RPGR: variants seen among roughly 807,000 people sequenced by gnomAD.
The protein encoded by RPGR is X-linked retinitis pigmentosa GTPase regulator.
In RPGR, 10 loss-of-function variants were observed where a neutral mutation model predicts 56.3. The ratio of observed to expected loss-of-function variants is 0.18; its 90% CI spans 0.11 to 0.30. The LOEUF is 0.30. RPGR is among the 10% of genes least tolerant of loss of function. The pLI, the probability that RPGR is intolerant of heterozygous loss-of-function variation, is 1.00. For missense variants in RPGR, 538 were observed against 590.9 expected (o/e 0.91, Z 0.93); for synonymous variants, 197 against 212.9 (o/e 0.93, Z 0.65).
chrX:38,301,537 C>A (rs941391728), intron 8 of RPGR, among the ~76,000 whole-genome samples, 166 bp from the exon 9 acceptor site: 12 of 110,592 alleles, frequency 1.1e-4, no homozygotes, highest in African/African-American at 3.6e-4. Context: ...TCTCTGTGGT[C>A]CTGCATGTAA....
intron 11 of RPGR, among the ~76,000 whole-genome samples, chrX:38,294,780 TA>T (rs778373837): frequency 1.2e-3 from 131 of 112,720 alleles, no homozygotes; most frequent in African/African-American, 4.1e-3. Flanking sequence ...GGTGCATTAA[TA>T]AGTTTAGCAA....
chrX:38,273,325 T>C, intron 18 of RPGR: 1 of 944,112 alleles, frequency 1.1e-6, no homozygotes, highest in South Asian at 2.0e-5. Flanking sequence ...GATTGCCATA[T>C]GAAAAGTAAA....
chrX:38,274,244 C>G (rs960558674), intron 17 of RPGR, among the ~76,000 whole-genome samples: 2 of 109,766 alleles, frequency 1.8e-5, no homozygotes, highest in Middle Eastern at 9.4e-3. Context: ...CAATCACAGT[C>G]TCCTCTATTC....
At chrX:38,281,295 G>C (rs1356382086) in intron 15 of RPGR, among the ~76,000 whole-genome samples, 1 of 112,236 alleles carries the variant, frequency 8.9e-6, no homozygotes, top group Non-Finnish European at 1.9e-5. Flanking sequence ...AGGACACAGA[G>C]GGAAATGTTC....
intron 9 of RPGR, among the ~76,000 whole-genome samples, chrX:38,300,895 T>C (rs1349160154): frequency 8.9e-6 from 1 of 112,034 alleles, no homozygotes; most frequent in Non-Finnish European, 1.9e-5. Context: ...TAACATTTAA[T>C]TCAGCAAATA....
At chrX:38,287,000 C>T (rs1376005682) in intron 15 of RPGR, 2 of 1,210,328 alleles carry the variant, frequency 1.7e-6, no homozygotes, top group Admixed American at 4.4e-5. Context: ...TGCCAGTGTT[C>T]TGCTCCTGAA....
intron 13 of RPGR, 74 bp downstream of exon 13, chrX:38,290,885 T>C: frequency 2.2e-6 from 1 of 445,638 alleles, no homozygotes; most frequent in Non-Finnish European, 3.9e-6. Context: ...CTTGTGTTCT[T>C]TCCAAAAACC....
chrX:38,277,548 C>T (rs1042252473), intron 15 of RPGR, among the ~76,000 whole-genome samples: 3 of 110,259 alleles, frequency 2.7e-5, no homozygotes, highest in East Asian at 5.6e-4. Context: ...TCATTAGATT[C>T]CCCCCCATAC....
chrX:38,298,779 CTTTTCTGAAT>C (rs2067444022), intron 10 of RPGR, among the ~76,000 whole-genome samples, 167 bp downstream of exon 10: 2 of 111,767 alleles, frequency 1.8e-5, no homozygotes, highest in Non-Finnish European at 1.9e-5. Context: ...AAGCATTAAG[CTTTTCTGAAT>C]TTTTCTGAAT....
At chrX:38,280,112 A>G (rs2067004240) in intron 15 of RPGR, among the ~76,000 whole-genome samples, 1 of 111,372 alleles carries the variant, frequency 9.0e-6, no homozygotes, top group African/African-American at 3.3e-5. Context: ...ATGGAAAAAT[A>G]ACATTAGCAA....
intron 7 of RPGR, among the ~76,000 whole-genome samples, chrX:38,305,675 G>C (rs1256240491): frequency 9.2e-6 from 1 of 108,397 alleles, no homozygotes; most frequent in East Asian, 2.9e-4. Context: ...GAACCCAGGA[G>C]GTGGAGGTTG....
intron 7 of RPGR, among the ~76,000 whole-genome samples, chrX:38,305,618 C>T (rs1418592210): frequency 9.4e-6 from 1 of 106,428 alleles, no homozygotes; most frequent in Non-Finnish European, 1.9e-5. Context: ...TGGTGGCGTA[C>T]ACCTGTAATC....
In RPGR at chrX:38,276,909, A is replaced by T. The variant is rs7876914; in HGVS notation, c.1906-137T>A. On this transcript the variant is annotated intron_variant, in intron 15 of 18. Transcript: ENST00000642395. ...TAATTCAAATATTGAAGCCGAAGAA[A>T]AAAATACTGTACAGTCCATGCTGAA... is the stretch of plus-strand genomic sequence containing the variant. The T allele has an allele frequency of 0.1, 53,365 of 517,652 alleles. 3,379 individuals carry two copies. Among genetic ancestry groups the T allele is most frequent in the African/African-American group, 0.36 (14,921 of 41,971 alleles). 42.7% of individuals were successfully genotyped at this position (517,652 alleles called of 1,213,427 possible). A position where few individuals can be genotyped will look rare whatever the true frequency, so the allele number is the denominator to read the frequency against.
At chrX:38,281,153 C>T (rs755420072) in intron 15 of RPGR, among the ~76,000 whole-genome samples, 4 of 112,661 alleles carry the variant, frequency 3.6e-5, no homozygotes, top group African/African-American at 1.3e-4. Context: ...TTTTTATTCT[C>T]ATTTTCAGAT....
chrX:38,276,614 A>G lies in RPGR; in HGVS notation c.2064T>C (p.Asp688=). ...TTTCAATAGTTTCAGCTGAGCTATC[A>G]TCATTGGTTCTTTCTGCTCCTTCTG... The change falls in exon 16 of 19, where the codon GAT becomes GAC. Residue 688 remains aspartate, a synonymous_variant. Transcript: ENST00000642395. The G allele has an allele frequency of 3.3e-6, 4 of 1,211,252 alleles. No individual in the cohort carries two copies. Among genetic ancestry groups the G allele is most frequent in the Non-Finnish European group, 4.5e-6 (4 of 895,256 alleles).
chrX:38,310,570 G>C (rs1408238076), intron 7 of RPGR, 45 bp downstream of exon 7: 1 of 1,189,349 alleles, frequency 8.4e-7, no homozygotes, highest in Non-Finnish European at 1.1e-6. Context: ...AATTTCATTA[G>C]CCACCACAGA....
rs775817687 is a variant in RPGR at position 38,276,604 on chromosome X, C to G, written c.2074G>C (p.Ala692Pro). 2.5e-6 allele frequency: 3 copies of G among 1,209,569 alleles called. No homozygotes were observed. In the South Asian group the frequency reaches 5.3e-5, roughly 21 times the overall value. Residue 692 changes from alanine to proline, a missense_variant, in exon 16 of 19, where the codon GCT becomes CCT. Physicochemically the swap from Ala to Pro is conservative, Grantham distance 27 (BLOSUM62 -1). Transcript: ENST00000642395. Reference sequence around the variant, plus strand: ...CATCATACCTTTTCAATAGTTTCAGCTGAGCTATCATCATTGGTTCTTTCT... The same window carrying G: ...CATCATACCTTTTCAATAGTTTCAGGTGAGCTATCATCATTGGTTCTTTCT...
intron 13 of RPGR, among the ~76,000 whole-genome samples, chrX:38,288,430 C>T (rs2067228033): frequency 8.9e-6 from 1 of 111,957 alleles, no homozygotes; most frequent in South Asian, 3.7e-4. Flanking sequence ...CTTGGCCTGG[C>T]ACAGTGGCTC....
At chrX:38,312,180 G>A (rs73632470) in intron 6 of RPGR, among the ~76,000 whole-genome samples, 4,173 of 111,467 alleles carry the variant, frequency 0.037, 202 homozygotes, top group African/African-American at 0.13. Context: ...CACAGAAAAT[G>A]AAGTTTTATG....
Sources: gnomAD v4.1 joint callset for allele counts (sites outside exome capture counted in the v4.1 genomes callset) on GRCh38, gnomAD v4.1.1 for gene constraint, MANE v1.5 for transcripts, NCBI Gene and HGNC (gene_info 2026-07-23, HGNC 2026-07-21) for gene names.